The following STK33 variants were observed in gnomAD, a reference collection of about 807,000 sequenced individuals.
STK33 encodes the protein serine/threonine-protein kinase 33.
Under a neutral mutation model 58.0 loss-of-function variants are expected in STK33, and 52 were observed. That is an observed-to-expected ratio of 0.90 (90% CI 0.72 to 1.13). The LOEUF (loss-of-function observed/expected upper bound fraction) is 1.13. STK33 is among the 50% of genes most tolerant of loss of function. The pLI, the probability that STK33 is intolerant of heterozygous loss-of-function variation, is 0.00. For missense variants in STK33, 630 were observed against 604.2 expected (o/e 1.04, Z -0.45); for synonymous variants, 215 against 200.1 (o/e 1.07, Z -0.63).
At chr11:8,489,469 C>T (rs960470773) in intron 1 of STK33, among the ~76,000 whole-genome samples, 42 of 152,136 alleles carry the variant, frequency 2.8e-4, no homozygotes, top group African/African-American at 8.9e-4. Flanking sequence ...ACTAGGAAGT[C>T]GAAGAGCATG....
At chr11:8,591,770 G>A (rs2032634134) in intron 1 of STK33, among the ~76,000 whole-genome samples, 2 of 149,684 alleles carry the variant, frequency 1.3e-5, no homozygotes, top group Admixed American at 1.3e-4. Context: ...TCACTCATAG[G>A]TGGGAATTGA....
Position 8,534,560 on chromosome 11 carries a change from C to G in STK33, c.-465-53946G>C, listed in dbSNP as rs867761827. On this transcript the variant is annotated intron_variant, in intron 1 of 15. Coordinates refer to ENST00000687296, the MANE Select transcript of STK33 (RefSeq NM_001352389.2). The stretch of plus-strand genomic sequence containing the variant: ...TCTCTCTCTCTCTCTCTCTCTCTCT[C>G]TCTCTCTCTGTGTGTGTGTGTGTGT... Among the ~76,000 whole-genome samples, 861 of 119,878 alleles carry G rather than the reference C, an allele frequency of 7.2e-3. 10 individuals are homozygous for G. The highest frequency in any genetic ancestry group is 0.026 in the African/African-American group (718 of 27,682). The allele number at this position is 119,878 out of a possible 152,430, so 78.6% of individuals were successfully genotyped here.
intron 1 of STK33, among the ~76,000 whole-genome samples, chr11:8,557,284 G>GGGAAA (rs1956822446): frequency 3.5e-5 from 4 of 113,396 alleles, no homozygotes; most frequent in African/African-American, 6.6e-5. Flanking sequence ...GGGGAGGGGA[G>GGGAAA]GGGAGGAGAG....
intron 1 of STK33, among the ~76,000 whole-genome samples, chr11:8,519,977 T>G (rs529029005): frequency 3.2e-4 from 48 of 152,230 alleles, no homozygotes; most frequent in African/African-American, 1.2e-3. Flanking sequence ...GAGAAAATCC[T>G]CCCTAGCTCA....
At chr11:8,553,170 AT>A (rs1956430746) in intron 1 of STK33, among the ~76,000 whole-genome samples, 2 of 9,108 alleles carry the variant, frequency 2.2e-4, no homozygotes, top group East Asian at 1.1e-3. Context: ...AAAATAAAAT[AT>A]ATATATATAT....
chr11:8,470,627 G>T (rs1427978055), intron 6 of STK33, among the ~76,000 whole-genome samples: 1 of 152,034 alleles, frequency 6.6e-6, no homozygotes, highest in East Asian at 1.9e-4. Flanking sequence ...AATCATTTCT[G>T]GCTTTCGATT....
rs545036059 is a variant in STK33 at position 8,392,484 on chromosome 11, T to G, written c.*26A>C. 5.0e-6 allele frequency: 8 copies of G among 1,613,236 alleles called. No homozygotes were observed. The South Asian group carries it at 8.8e-5, about 18-fold the overall frequency. ...GTGCTAACAAGAGCAGCTTTGTTTTTGTACTGTCCAACACTGGAGGGAACC... is the reference window on the plus strand; with the variant it reads ...GTGCTAACAAGAGCAGCTTTGTTTTGGTACTGTCCAACACTGGAGGGAACC... On this transcript the variant is annotated 3_prime_UTR_variant, in exon 16 of 16. Transcript: ENST00000687296.
chr11:8,500,008 G>A (rs766734348), intron 1 of STK33, among the ~76,000 whole-genome samples: 2 of 151,952 alleles, frequency 1.3e-5, no homozygotes, highest in East Asian at 1.9e-4. Context: ...ACCATGGCAC[G>A]TGTATACCTA....
At chr11:8,423,666 G>A (rs533395889) in intron 14 of STK33, among the ~76,000 whole-genome samples, 4 of 152,100 alleles carry the variant, frequency 2.6e-5, no homozygotes, top group Admixed American at 2.6e-4. Flanking sequence ...TTCCACATGT[G>A]CTTGAGAACA....
intron 14 of STK33, among the ~76,000 whole-genome samples, chr11:8,414,173 A>G (rs138775037): frequency 1.3e-5 from 2 of 152,324 alleles, no homozygotes; most frequent in Non-Finnish European, 2.9e-5. Context: ...GAATATAGAT[A>G]TTTAATTGGA....
chr11:8,429,289 A>C (rs1353860486), intron 14 of STK33, among the ~76,000 whole-genome samples: 1 of 152,226 alleles, frequency 6.6e-6, no homozygotes, highest in Non-Finnish European at 1.5e-5. Context: ...TCAACCTAAA[A>C]ATATCTGAGA....
intron 1 of STK33, among the ~76,000 whole-genome samples, chr11:8,585,630 C>A (rs1346068314): frequency 6.6e-6 from 1 of 152,120 alleles, no homozygotes; most frequent in Non-Finnish European, 1.5e-5. Context: ...GGACCTCAGG[C>A]AGGGCTTGGT....
intron 1 of STK33, among the ~76,000 whole-genome samples, chr11:8,552,260 G>A (rs1199363823): frequency 6.6e-6 from 1 of 152,268 alleles, no homozygotes; most frequent in African/African-American, 2.4e-5. Flanking sequence ...GGCTTATCTC[G>A]ATCCTGTGAG....
At chr11:8,390,979 G>A (rs550384986), downstream of STK33, among the ~76,000 whole-genome samples, 5 of 152,288 alleles carry the variant, frequency 3.3e-5, no homozygotes, top group South Asian at 2.1e-4. Context: ...CACCATCTTG[G>A]TTAGGCTTTT....
chr11:8,508,686 A>G (rs1952062976), intron 1 of STK33, among the ~76,000 whole-genome samples: 1 of 152,210 alleles, frequency 6.6e-6, no homozygotes, highest in African/African-American at 2.4e-5. Flanking sequence ...AAGTTTGACC[A>G]AACTGGTATT....
At chr11:8,400,518 G>T (rs904064149) in intron 15 of STK33, among the ~76,000 whole-genome samples, 5 of 152,172 alleles carry the variant, frequency 3.3e-5, no homozygotes, top group East Asian at 1.9e-4. Flanking sequence ...ATATCATAAT[G>T]AATGGGCAAA....
downstream of STK33, among the ~76,000 whole-genome samples, chr11:8,389,950 C>T (rs1848595236): frequency 6.6e-6 from 1 of 152,178 alleles, no homozygotes; most frequent in Non-Finnish European, 1.5e-5. Context: ...CTAACTTTAC[C>T]TCAGACTGGC....
chr11:8,379,305 A>G, the STK33 span, among the ~76,000 whole-genome samples: 1 of 152,348 alleles, frequency 6.6e-6, no homozygotes, highest in Non-Finnish European at 1.5e-5. Context: ...GGACCTAATT[A>G]AACTAAAAGG....
chr11:8,346,261 G>C, the STK33 span, among the ~76,000 whole-genome samples: 6 of 152,236 alleles, frequency 3.9e-5, no homozygotes, highest in Admixed American at 1.3e-4. Flanking sequence ...CACACAGGAG[G>C]TGTTGCCCTT....
Sources: allele counts gnomAD v4.1 joint callset (sites outside exome capture counted in the v4.1 genomes callset), GRCh38; gene constraint gnomAD v4.1.1; transcripts MANE v1.5; gene names NCBI Gene and HGNC (gene_info 2026-07-23, HGNC 2026-07-21).